The following ELF2 variants were observed in gnomAD, a reference collection of about 807,000 sequenced individuals.
ELF2 encodes ETS-related transcription factor Elf-2.
In ELF2, 11 loss-of-function variants were observed where a neutral mutation model predicts 54.8. The ratio of observed to expected loss-of-function variants is 0.20; its 90% CI spans 0.13 to 0.33. The LOEUF (loss-of-function observed/expected upper bound fraction) is 0.33. Ranked by LOEUF, ELF2 falls within the 10% of genes least tolerant of loss-of-function variation. ELF2 has a pLI of 1.00. For synonymous variants in ELF2, 203 were observed against 245.1 expected, an observed-to-expected ratio of 0.83 and a Z score of 1.61; for missense variants, 513 against 703.0, an observed-to-expected ratio of 0.73 and a Z score of 3.06.
At chr4:139,067,483 A>G in intron 7 of ELF2, 2 of 525,284 alleles carry the variant, frequency 3.8e-6, no homozygotes, top group African/African-American at 1.9e-5. Context: ...ATGGTTACAG[A>G]ATCTCTGTGG....
At chr4:139,088,711 TCCC>T (rs556017423) in intron 4 of ELF2, among the ~76,000 whole-genome samples, 11 of 151,982 alleles carry the variant, frequency 7.2e-5, no homozygotes, top group African/African-American at 2.7e-4. Context: ...AATGGTATTA[TCCC>T]CCCACTAGGG....
At position 139,062,071 on chromosome 4, in the gene ELF2, G is replaced by A; in HGVS notation, c.614-14C>T. ...AGGTTGTGTTTCCTTTAAAAACAAT[G>A]ACAGACATTGATTAAAATTCATTAA... is the stretch of plus-strand genomic sequence containing the variant. On this transcript the variant is annotated splice_polypyrimidine_tract_variant and intron_variant, in intron 7 of 9. Transcript: ENST00000686138. 6.2e-7 allele frequency: 1 copy of A among 1,601,394 alleles called. No individual in the cohort carries two copies. Among genetic ancestry groups the A allele is most frequent in the Non-Finnish European group, 8.5e-7 (1 of 1,173,954 alleles).
intron 4 of ELF2, chr4:139,102,314 A>G (rs1261085101): frequency 6.7e-6 from 1 of 149,146 alleles, no homozygotes; most frequent in Non-Finnish European, 1.5e-5. Flanking sequence ...CGAGGTCAAG[A>G]CATCGAGACC....
chr4:139,122,106 T>C (rs1736417891), intron 4 of ELF2, among the ~76,000 whole-genome samples: 1 of 152,196 alleles, frequency 6.6e-6, no homozygotes. Flanking sequence ...AATGAGAACA[T>C]GCAGAGAACT....
chr4:139,094,951 G>A (rs1490889746), intron 4 of ELF2, among the ~76,000 whole-genome samples: 53 of 151,816 alleles, frequency 3.5e-4, no homozygotes, highest in Admixed American at 3.3e-3. Context: ...TCTTGCATAC[G>A]GCAAACCTGA....
chr4:139,114,361 G>C (rs1308277340), intron 4 of ELF2, among the ~76,000 whole-genome samples: 15 of 152,086 alleles, frequency 9.9e-5, no homozygotes, highest in Non-Finnish European at 1.9e-4. Flanking sequence ...ATGAGGTCAG[G>C]AGATCGAGAC....
At chr4:139,110,264 C>A (rs1262030693) in intron 4 of ELF2, among the ~76,000 whole-genome samples, 1 of 152,160 alleles carries the variant, frequency 6.6e-6, no homozygotes, top group Non-Finnish European at 1.5e-5. Context: ...CTCTGGGGTC[C>A]TGGTCCTTCC....
intron 4 of ELF2, chr4:139,084,474 C>CTGT: frequency 1.9e-6 from 2 of 1,075,068 alleles, no homozygotes; most frequent in African/African-American, 1.7e-5. Context: ...GTGGCTGTGG[C>CTGT]GGCCGCCGCA....
chr4:139,152,702 T>C (rs956626965), intron 1 of ELF2, among the ~76,000 whole-genome samples: 99 of 152,092 alleles, frequency 6.5e-4, no homozygotes, highest in African/African-American at 2.2e-3. Flanking sequence ...AAAAGCTCCA[T>C]TACCCTTAGT....
At chr4:139,161,378 A>C (rs1741123223) in intron 1 of ELF2, among the ~76,000 whole-genome samples, 1 of 152,194 alleles carries the variant, frequency 6.6e-6, no homozygotes, top group African/African-American at 2.4e-5. Flanking sequence ...CATGATTGAC[A>C]CAGGTTATAA....
chr4:139,094,837 T>TA (rs1446089255), intron 4 of ELF2, among the ~76,000 whole-genome samples: 2 of 152,188 alleles, frequency 1.3e-5, no homozygotes, highest in Non-Finnish European at 2.9e-5. Flanking sequence ...TTATATATCT[T>TA]AGAGTTATTT....
intron 4 of ELF2, among the ~76,000 whole-genome samples, chr4:139,098,738 G>A (rs1733558599): frequency 1.3e-5 from 2 of 152,106 alleles, no homozygotes; most frequent in African/African-American, 2.4e-5. Flanking sequence ...AAAGTGCTGG[G>A]ATTACAGGCA....
At chr4:139,175,958 G>A (rs1742870620) in intron 1 of ELF2, among the ~76,000 whole-genome samples, 1 of 152,166 alleles carries the variant, frequency 6.6e-6, no homozygotes, top group Non-Finnish European at 1.5e-5. Flanking sequence ...TTGGTGTCAC[G>A]GAATATTTTT....
chr4:139,093,654 A>G (rs1418158531), intron 4 of ELF2, among the ~76,000 whole-genome samples: 1 of 152,198 alleles, frequency 6.6e-6, no homozygotes, highest in Non-Finnish European at 1.5e-5. Flanking sequence ...TAATAGAGTA[A>G]AAGAGAAAAA....
At chr4:139,156,057 C>G (rs952819061) in intron 1 of ELF2, among the ~76,000 whole-genome samples, 4 of 152,212 alleles carry the variant, frequency 2.6e-5, no homozygotes, top group Non-Finnish European at 5.9e-5. Flanking sequence ...AATAACTTTT[C>G]ATTTCAAGAG....
intron 1 of ELF2, among the ~76,000 whole-genome samples, chr4:139,148,028 C>A (rs191660058): frequency 4.0e-5 from 6 of 150,958 alleles, no homozygotes; most frequent in Admixed American, 2.6e-4. Context: ...TCAGGTGATC[C>A]GCCTGCCTCA....
chr4:139,072,110 T>G (rs1729600891), intron 5 of ELF2, 71 bp from the exon 6 acceptor site: 1 of 1,455,898 alleles, frequency 6.9e-7, no homozygotes. Flanking sequence ...AGTTCAATAT[T>G]TAGAAGAGGC....
intron 4 of ELF2, among the ~76,000 whole-genome samples, chr4:139,085,341 CAG>C (rs754769719): frequency 2.6e-5 from 4 of 152,300 alleles, no homozygotes; most frequent in Non-Finnish European, 4.4e-5. Flanking sequence ...CATAAAGGAA[CAG>C]TGCCTCCTAC....
chr4:139,177,120 G>A lies in ELF2; in HGVS notation c.-405C>T, dbSNP rs1310418123. The A allele has an allele frequency of 6.6e-6, 1 of 152,064 alleles. No individual in the cohort carries two copies. The highest frequency in any genetic ancestry group is 1.5e-5 in the Non-Finnish European group (1 of 68,156). 9.4% of individuals were successfully genotyped at this position (152,064 alleles called of 1,614,324 possible). A position where few individuals can be genotyped will look rare whatever the true frequency, so the allele number is the denominator to read the frequency against. ...CAGGGAGAGAAGGAGACAAAACAGA[G>A]GCTCGCCGCCCCGCGCAGCGACCCC... On this transcript the variant is annotated 5_prime_UTR_variant, in exon 1 of 10. Transcript: ENST00000686138.
Sources: gnomAD v4.1 joint callset for allele counts (sites outside exome capture counted in the v4.1 genomes callset) on GRCh38, gnomAD v4.1.1 for gene constraint, MANE v1.5 for transcripts, NCBI Gene and HGNC (gene_info 2026-07-23, HGNC 2026-07-21) for gene names.